The following PPFIA2 variants were observed in gnomAD, a reference collection of about 807,000 sequenced individuals.
PPFIA2 encodes the protein liprin-alpha-2.
A neutral mutation model predicts 175.5 loss-of-function variants in PPFIA2; 46 were observed. The ratio of observed to expected loss-of-function variants is 0.26; its 90% confidence interval spans 0.21 to 0.34. The LOEUF (loss-of-function observed/expected upper bound fraction) is 0.34, where lower values mean the gene tolerates loss of function less well. PPFIA2 is among the 10% of genes least tolerant of loss of function. The pLI, the probability that PPFIA2 is intolerant of heterozygous loss-of-function variation, is 1.00. For synonymous variants in PPFIA2, 568 were observed against 511.4 expected (o/e 1.11, Z -1.49); for missense variants, 1,179 against 1,506.1 (o/e 0.78, Z 3.60).
At chr12:81,348,231 T>A (rs950931938) in intron 17 of PPFIA2, among the ~76,000 whole-genome samples, 4 of 152,090 alleles carry the variant, frequency 2.6e-5, no homozygotes, top group African/African-American at 4.8e-5. Context: ...AGATTCAAAG[T>A]CATTGAATCT....
At chr12:81,300,319 A>G (rs1320513506) in intron 22 of PPFIA2, among the ~76,000 whole-genome samples, 2 of 152,194 alleles carry the variant, frequency 1.3e-5, no homozygotes, top group Non-Finnish European at 2.9e-5. Context: ...AAAACATGGT[A>G]TAATAATTGC....
At chr12:81,623,449 T>A (rs2062307141) in intron 4 of PPFIA2, among the ~76,000 whole-genome samples, 1 of 152,054 alleles carries the variant, frequency 6.6e-6, no homozygotes, top group Non-Finnish European at 1.5e-5. Flanking sequence ...ATCATTGGCC[T>A]CATCCATCTA....
At chr12:81,653,824 T>C (rs956291583) in intron 4 of PPFIA2, among the ~76,000 whole-genome samples, 1 of 152,090 alleles carries the variant, frequency 6.6e-6, no homozygotes, top group Non-Finnish European at 1.5e-5. Context: ...TTGATTTCCT[T>C]CCTTTCTTCA....
chr12:81,316,039 A>G (rs546588319), intron 22 of PPFIA2, among the ~76,000 whole-genome samples: 23 of 151,790 alleles, frequency 1.5e-4, no homozygotes, highest in East Asian at 9.7e-4. Context: ...TAAAATTTCA[A>G]TTATGGAGAA....
intron 19 of PPFIA2, among the ~76,000 whole-genome samples, chr12:81,342,130 C>G (rs539904768): frequency 1.3e-5 from 2 of 152,176 alleles, no homozygotes; most frequent in African/African-American, 4.8e-5. Context: ...TTAAAGAACA[C>G]TTTAGTACAG....
chr12:81,437,991 A>C (rs189513899), intron 7 of PPFIA2, among the ~76,000 whole-genome samples: 386 of 151,704 alleles, frequency 2.5e-3, no homozygotes, highest in African/African-American at 9.0e-3. Context: ...GTCATCAAAA[A>C]GTTTTCTTTC....
In PPFIA2 at chr12:81,364,469, G is replaced by C. The variant is rs185624301; in HGVS notation, c.1546-1685C>G. 6.4e-4 allele frequency among the ~76,000 whole-genome samples: 97 copies of C among 151,874 alleles called. No individual in the cohort carries two copies. The Middle Eastern group carries it at 0.014, about 21-fold the overall frequency. Reference sequence around the variant, plus strand: ...TGTGATCACAGTTCATTGCAGTCTTGAACTCCAGGGCTCAAGTAATCCTCT... The same window carrying C: ...TGTGATCACAGTTCATTGCAGTCTTCAACTCCAGGGCTCAAGTAATCCTCT... On this transcript the variant is annotated intron_variant, in intron 14 of 32. Transcript: ENST00000549396.
chr12:81,598,641 T>A (rs1489042597), intron 4 of PPFIA2, among the ~76,000 whole-genome samples: 1 of 114,992 alleles, frequency 8.7e-6, no homozygotes, highest in Non-Finnish European at 2.0e-5. Context: ...TACAAAGCCT[T>A]TTTTTTTTTA....
rs182647592 is a variant in PPFIA2 at position 81,432,667 on chromosome 12, C to A, written c.645+7305G>T. 5.4e-4 allele frequency among the ~76,000 whole-genome samples: 82 copies of A among 152,076 alleles called. 1 individual carries two copies. The highest frequency in any genetic ancestry group is 2.0e-3 in the African/African-American group (81 of 41,490). ...AGAGACTGGGTTTCACCATGTAGGTCAGGCTGGTCTTGAACTCCTGACCTC... is the reference window on the plus strand; with the variant it reads ...AGAGACTGGGTTTCACCATGTAGGTAAGGCTGGTCTTGAACTCCTGACCTC... On this transcript the variant is annotated intron_variant, in intron 7 of 32. Transcript: ENST00000549396.
At chr12:81,322,724 G>T (rs1222941633) in intron 22 of PPFIA2, among the ~76,000 whole-genome samples, 1 of 152,130 alleles carries the variant, frequency 6.6e-6, no homozygotes, top group Non-Finnish European at 1.5e-5. Flanking sequence ...ACTTTAGGCC[G>T]AGGTTACGTG....
intron 4 of PPFIA2, among the ~76,000 whole-genome samples, chr12:81,559,877 C>T (rs1232586092): frequency 6.6e-6 from 1 of 151,476 alleles, no homozygotes; most frequent in South Asian, 2.1e-4. Flanking sequence ...TGACACACAT[C>T]GTTTCAAATA....
intron 21 of PPFIA2, among the ~76,000 whole-genome samples, chr12:81,333,995 G>A (rs2056642735): frequency 6.6e-6 from 1 of 152,282 alleles, no homozygotes; most frequent in East Asian, 1.9e-4. Context: ...TTGTCCCCAG[G>A]GATGTCATGA....
At chr12:81,397,632 G>A (rs1324507779) in intron 8 of PPFIA2, among the ~76,000 whole-genome samples, 2 of 151,950 alleles carry the variant, frequency 1.3e-5, no homozygotes, top group African/African-American at 4.8e-5. Context: ...GGGGCCAAAA[G>A]ATAATTTTTT....
chr12:81,723,295 T>C (rs1568009092), intron 3 of PPFIA2, among the ~76,000 whole-genome samples: 1 of 151,102 alleles, frequency 6.6e-6, no homozygotes, highest in Non-Finnish European at 1.5e-5. Flanking sequence ...TTTGCCAGTC[T>C]ACAGAAAATG....
chr12:81,454,620 T>C (rs2053251678), intron 5 of PPFIA2, among the ~76,000 whole-genome samples: 1 of 152,220 alleles, frequency 6.6e-6, no homozygotes, highest in African/African-American at 2.4e-5. Context: ...TTCATCCAAA[T>C]ATCATTATAC....
At chr12:81,593,414 C>T (rs183206439) in intron 4 of PPFIA2, among the ~76,000 whole-genome samples, 37 of 152,218 alleles carry the variant, frequency 2.4e-4, no homozygotes, top group Admixed American at 1.4e-3. Context: ...TAAATAGTTA[C>T]GTCTCACTAA....
intron 4 of PPFIA2, among the ~76,000 whole-genome samples, chr12:81,554,888 A>G (rs1457051821): frequency 6.6e-6 from 1 of 152,036 alleles, no homozygotes; most frequent in African/African-American, 2.4e-5. Flanking sequence ...ACCATGTGAG[A>G]TCATTTCAAA....
intron 4 of PPFIA2, among the ~76,000 whole-genome samples, chr12:81,496,420 G>T (rs1488276139): frequency 6.6e-6 from 1 of 152,172 alleles, no homozygotes; most frequent in African/African-American, 2.4e-5. Flanking sequence ...TTTCTTGGGT[G>T]TAATAATGGT....
Position 81,493,787 on chromosome 12 carries a change from TAC to T in PPFIA2, c.304-35923_304-35922del, listed in dbSNP as rs1555428270. ...ATATATATATATATATATATATATA[TAC>T]ACATTGGAAAAAATAACAGCATTTT... On this transcript the variant is annotated intron_variant, in intron 4 of 32. Transcript: ENST00000549396. 1.6e-4 allele frequency among the ~76,000 whole-genome samples: 20 copies of T among 128,350 alleles called. No homozygotes were observed. In the East Asian group the frequency reaches 4.3e-3, roughly 28 times the overall value. The allele number at this position is 128,350 out of a possible 152,430, so 84.2% of individuals were successfully genotyped here. A position where few individuals can be genotyped will look rare whatever the true frequency, so the allele number is the denominator to read the frequency against.
Sources: gnomAD v4.1 joint callset for allele counts (sites outside exome capture counted in the v4.1 genomes callset) on GRCh38, gnomAD v4.1.1 for gene constraint, MANE v1.5 for transcripts, NCBI Gene and HGNC (gene_info 2026-07-23, HGNC 2026-07-21) for gene names.